The following NCAM2 variants were observed in gnomAD, a reference collection of about 807,000 sequenced individuals.
The protein encoded by NCAM2 is N-CAM-2.
Under a neutral mutation model 98.1 loss-of-function variants are expected in NCAM2, and 30 were observed. That is an observed-to-expected ratio of 0.31 (90% CI 0.23 to 0.41). NCAM2 has a LOEUF of 0.41. Among genes scored for constraint, NCAM2 ranks in the 10% least tolerant of loss-of-function variants. The probability of loss-of-function intolerance (pLI) is 1.00; values close to 1 mark genes in which losing one functional copy is unlikely to be tolerated. For synonymous variants in NCAM2, 368 were observed against 342.4 expected (o/e 1.07, Z -0.83); for missense variants, 867 against 1,005.8 (o/e 0.86, Z 1.87).
At chr21:21,355,533 G>T (rs1323291619) in intron 8 of NCAM2, among the ~76,000 whole-genome samples, 1 of 148,272 alleles carries the variant, frequency 6.7e-6, no homozygotes, top group African/African-American at 2.5e-5. Context: ...GAGGAGGGAG[G>T]GAGGGAGAGA....
chr21:21,514,166 A>G (rs1347472776), intron 16 of NCAM2, among the ~76,000 whole-genome samples: 3 of 150,946 alleles, frequency 2.0e-5, no homozygotes, highest in African/African-American at 7.3e-5. Context: ...TAAAATATTT[A>G]CATATGAAAT....
At chr21:21,035,065 C>T (rs1240340850) in intron 1 of NCAM2, among the ~76,000 whole-genome samples, 1 of 152,120 alleles carries the variant, frequency 6.6e-6, no homozygotes, top group Admixed American at 6.5e-5. Context: ...TCTTGAGGTT[C>T]TCAGACCTGT....
chr21:21,058,284 T>C (rs1230928400), intron 1 of NCAM2, among the ~76,000 whole-genome samples: 1 of 152,078 alleles, frequency 6.6e-6, no homozygotes, highest in Non-Finnish European at 1.5e-5. Flanking sequence ...TGGGACCCAC[T>C]TGCTATGTGT....
At chr21:21,125,378 A>AT (rs1238650013) in intron 1 of NCAM2, among the ~76,000 whole-genome samples, 3 of 146,838 alleles carry the variant, frequency 2.0e-5, no homozygotes, top group Non-Finnish European at 3.0e-5. Flanking sequence ...TATGTAATAT[A>AT]TAATATTTTA....
rs1013763629 is a variant in NCAM2, at chr21:21,335,555, A to G, written c.788A>G (p.Asn263Ser). The G allele has an allele frequency of 6.2e-7, 1 of 1,611,290 alleles. No homozygotes were observed. Among genetic ancestry groups the G allele is most frequent in the Non-Finnish European group, 8.5e-7 (1 of 1,178,572 alleles). The change falls in exon 7 of 18, where the codon AAT (asparagine) becomes AGT (serine). Residue 263 changes from asparagine (N) to serine (S), a missense_variant. Physicochemically the swap from Asn to Ser is conservative, Grantham distance 46. Transcript: ENST00000400546. ...GAGAAGTACATATTGAAAGGGAGCA[A>G]TACAGAACTCACTGTCAGGAACATA... ...ENEKYILKGS[N>S]TELTVRNIIN...
chr21:21,184,686 T>A (rs904902387), intron 1 of NCAM2, among the ~76,000 whole-genome samples: 1 of 152,166 alleles, frequency 6.6e-6, no homozygotes, highest in Non-Finnish European at 1.5e-5. Flanking sequence ...AGTGTCTCTA[T>A]GTCACATCCC....
At chr21:21,492,977 G>A (rs1410548942) in intron 15 of NCAM2, among the ~76,000 whole-genome samples, 1 of 151,938 alleles carries the variant, frequency 6.6e-6, no homozygotes, top group Non-Finnish European at 1.5e-5. Context: ...ATACTTGTAT[G>A]TAATGTGAAG....
intron 15 of NCAM2, among the ~76,000 whole-genome samples, chr21:21,492,099 T>G (rs977794589): frequency 1.3e-5 from 2 of 151,692 alleles, no homozygotes; most frequent in Admixed American, 1.3e-4. Context: ...TAAAGAGATT[T>G]GAGAAAATCT....
At chr21:21,050,249 A>G (rs2065081092) in intron 1 of NCAM2, among the ~76,000 whole-genome samples, 1 of 152,212 alleles carries the variant, frequency 6.6e-6, no homozygotes, top group Non-Finnish European at 1.5e-5. Flanking sequence ...GAAAGGATTA[A>G]CTTTCTTAAG....
Position 21,435,019 on chromosome 21 carries a change from CA to C in NCAM2, c.1654+2739del, listed in dbSNP as rs2077437319. Among the ~76,000 whole-genome samples the C allele has an allele frequency of 4.6e-5, 6 of 130,016 alleles. No individual in the cohort carries two copies. The South Asian group carries it at 1.3e-3, about 29-fold the overall frequency. The allele number at this position is 130,016 out of a possible 152,430, so 85.3% of individuals were successfully genotyped here. On this transcript the variant is annotated intron_variant, in intron 12 of 17. Coordinates refer to ENST00000400546, the MANE Select transcript of NCAM2 (RefSeq NM_004540.5). The stretch of plus-strand genomic sequence containing the variant: ...CACACCAGAAGGAGATAGAATATTT[CA>C]TTTTTGGAGATAGAATATTCCTTTT...
intron 12 of NCAM2, among the ~76,000 whole-genome samples, chr21:21,437,845 G>A (rs1978617916): frequency 6.6e-6 from 1 of 151,884 alleles, no homozygotes; most frequent in Non-Finnish European, 1.5e-5. Context: ...GTACTTAGAA[G>A]GCTTGTTTTT....
At chr21:21,423,116 C>T (rs1240059969) in intron 11 of NCAM2, among the ~76,000 whole-genome samples, 1 of 151,882 alleles carries the variant, frequency 6.6e-6, no homozygotes, top group East Asian at 1.9e-4. Context: ...TTATATTAAA[C>T]CTTAACCCTA....
chr21:21,033,667 CT>C (rs1234578136), intron 1 of NCAM2, among the ~76,000 whole-genome samples: 1 of 152,050 alleles, frequency 6.6e-6, no homozygotes, highest in Non-Finnish European at 1.5e-5. Context: ...CAAAGGGTGG[CT>C]TATTAAGCGG....
intron 1 of NCAM2, among the ~76,000 whole-genome samples, chr21:21,073,528 T>C (rs561828455): frequency 4.7e-4 from 71 of 152,346 alleles, no homozygotes; most frequent in African/African-American, 1.6e-3. Flanking sequence ...TAATGTATTA[T>C]GCCTCACTCA....
chr21:21,066,585 G>A (rs62207574), intron 1 of NCAM2, among the ~76,000 whole-genome samples: 26,903 of 151,968 alleles, frequency 0.18, 2,598 homozygotes, highest in Non-Finnish European at 0.19. Context: ...GCCTCTATGC[G>A]CAAGAAAGTT....
chr21:21,161,561 T>TTGTG (rs35510967), intron 1 of NCAM2, among the ~76,000 whole-genome samples: 142 of 149,542 alleles, frequency 9.5e-4, no homozygotes, highest in Middle Eastern at 6.8e-3. Context: ...GTGCTCTCAT[T>TTGTG]TGTGTGTGTG....
In NCAM2 at chr21:21,466,436, G is replaced by T. The variant is rs2250255; in HGVS notation, c.1655-170G>T. Among the ~76,000 whole-genome samples, 84,885 of 151,710 alleles carry T rather than the reference G, an allele frequency of 0.56. 25,131 individuals carry two copies. Among genetic ancestry groups the T allele is most frequent in the African/African-American group, 0.7 (28,931 of 41,416 alleles). On this transcript the variant is annotated intron_variant, in intron 12 of 17. Transcript: ENST00000400546. ...GAAGAAGAGAACTATTCACAAATCA[G>T]TTTCTTCTTATATGACTTATCTATT... is the stretch of plus-strand genomic sequence containing the variant.
At chr21:21,340,747 T>C (rs747708044) in intron 8 of NCAM2, among the ~76,000 whole-genome samples, 1 of 152,036 alleles carries the variant, frequency 6.6e-6, no homozygotes, top group South Asian at 2.1e-4. Context: ...ACAAATCAAA[T>C]GGTTGAGCTG....
chr21:21,374,155 C>A, intron 9 of NCAM2, 142 bp downstream of exon 9: 1 of 713,694 alleles, frequency 1.4e-6, no homozygotes, highest in Non-Finnish European at 2.2e-6. Context: ...AGGAATCATT[C>A]AGTCAGTTAT....
Sources: gnomAD v4.1 joint callset for allele counts (sites outside exome capture counted in the v4.1 genomes callset) on GRCh38, gnomAD v4.1.1 for gene constraint, MANE v1.5 for transcripts, NCBI Gene and HGNC (gene_info 2026-07-23, HGNC 2026-07-21) for gene names.